CDX2: variants seen among roughly 807,000 people sequenced by gnomAD.
CDX2 encodes caudal type homeobox 2, also known as homeobox protein CDX-2.
A neutral mutation model predicts 25.5 loss-of-function variants in CDX2; 7 were observed. The observed-to-expected ratio is 0.27, with a 90% CI of 0.16 to 0.52. The LOEUF (loss-of-function observed/expected upper bound fraction) is 0.52, where lower values mean the gene tolerates loss of function less well. Ranked by LOEUF, CDX2 falls within the 20% of genes least tolerant of loss-of-function variation. The probability of loss-of-function intolerance (pLI) is 0.97; values close to 1 mark genes in which losing one functional copy is unlikely to be tolerated. For missense variants in CDX2, 375 were observed against 431.4 expected, an observed-to-expected ratio of 0.87 and a Z score of 1.16; for synonymous variants, 222 against 198.6, an observed-to-expected ratio of 1.12 and a Z score of -0.99.
Position 27,962,110 on chromosome 13 carries a change from C to G in CDX2, c.*1005G>C. 4.3e-6 allele frequency: 1 copy of G among 230,992 alleles called. No homozygotes were observed. The highest frequency in any genetic ancestry group is 2.2e-5 in the African/African-American group (1 of 45,306). 14.3% of individuals were successfully genotyped at this position (230,992 alleles called of 1,614,324 possible). ...TTAAAAAATAAAAAATAGTTGCAGA[C>G]AAAATCTGAAGATAAATACAGAATC... On this transcript the variant is annotated 3_prime_UTR_variant, in exon 3 of 3. Coordinates refer to ENST00000381020, the MANE Select transcript of CDX2 (RefSeq NM_001265.6).
In CDX2 at chr13:27,961,653, A is replaced by G. The variant is rs1593180912; in HGVS notation, c.*1462T>C. ...AATGCCCAGTGATTTACAGAAGACTAAATTCATGGAAATGCTGTCTTGGGA... is the reference window on the plus strand; with the variant it reads ...AATGCCCAGTGATTTACAGAAGACTGAATTCATGGAAATGCTGTCTTGGGA... On this transcript the variant is annotated 3_prime_UTR_variant, in exon 3 of 3. Transcript: ENST00000381020. 6.6e-6 allele frequency among the ~76,000 whole-genome samples: 1 copy of G among 151,242 alleles called. No individual in the cohort carries two copies. The highest frequency in any genetic ancestry group is 2.0e-4 in the East Asian group (1 of 5,104).
At chr13:27,967,333 C>T (rs1005488503) in intron 1 of CDX2, 4 of 520,652 alleles carry the variant, frequency 7.7e-6, no homozygotes, top group Non-Finnish European at 1.5e-5. Flanking sequence ...CACAGTGACG[C>T]AGAAACCGAT....
In CDX2 at chr13:27,961,046, G is replaced by C. The variant is rs1869019653; in HGVS notation, c.*2069C>G. Among the ~76,000 whole-genome samples the C allele has an allele frequency of 6.6e-6, 1 of 152,166 alleles. No individual in the cohort carries two copies. Among genetic ancestry groups the C allele is most frequent in the Non-Finnish European group, 1.5e-5 (1 of 68,016 alleles). On this transcript the variant is annotated 3_prime_UTR_variant, in exon 3 of 3. Coordinates refer to ENST00000381020, the MANE Select transcript of CDX2 (RefSeq NM_001265.6). ...CCTGCGGGGCACCGGGGCTCAGACC[G>C]GCCCTGACCCAGGACCCCTGACCCA...
In CDX2 at chr13:27,963,348, G is replaced by A; in HGVS notation, c.709C>T (p.Arg237Cys). Residue 237 changes from arginine to cysteine, a missense_variant, in exon 3 of 3, where the codon CGC becomes TGC. Physicochemically the swap from Arg to Cys is radical, Grantham distance 180. Around this residue, in one of 3 missense-constraint regions of CDX2, gnomAD observed 64 missense variants for 124.6 expected, o/e 0.51. Coordinates refer to ENST00000381020, the MANE Select transcript of CDX2 (RefSeq NM_001265.6). Reference sequence around the variant, plus strand: ...TTGATTTTCCTCTCCTTTGCTCTGCGGTTCTGAAACCAGATTTTAACCTAG... The same window carrying A: ...TTGATTTTCCTCTCCTTTGCTCTGCAGTTCTGAAACCAGATTTTAACCTAG... ...ERQVKIWFQN[R>C]RAKERKINKK... 1 of 1,598,786 alleles carries A rather than the reference G, an allele frequency of 6.3e-7. No homozygotes were observed. Among genetic ancestry groups the A allele is most frequent in the Non-Finnish European group, 8.5e-7 (1 of 1,171,028 alleles).
rs1869033669 is a variant in CDX2 at position 27,961,290 on chromosome 13, C to G, written c.*1825G>C. 6.6e-6 allele frequency among the ~76,000 whole-genome samples: 1 copy of G among 152,360 alleles called. No individual in the cohort carries two copies. Among genetic ancestry groups the G allele is most frequent in the South Asian group, 2.1e-4 (1 of 4,832 alleles). ...CTATACCTCTTGCTGTTTCCCGGCT[C>G]TGCTCATCTTCCCCAACTGCCCTTA... is the stretch of plus-strand genomic sequence containing the variant. On this transcript the variant is annotated 3_prime_UTR_variant, in exon 3 of 3. Transcript: ENST00000381020.
chr13:27,964,989 G>T lies in CDX2; in HGVS notation c.568C>A (p.Arg190=). The T allele has an allele frequency of 1.2e-6, 2 of 1,614,096 alleles. No homozygotes were observed. Among genetic ancestry groups the T allele is most frequent in the Non-Finnish European group, 1.7e-6 (2 of 1,180,000 alleles). The change falls in exon 2 of 3, where the codon CGA becomes AGA. Residue 190 remains arginine (R), a synonymous_variant. Coordinates refer to ENST00000381020, the MANE Select transcript of CDX2 (RefSeq NM_001265.6). This position sits in a 1 kb window ranked among gnomAD's most constrained non-coding sequence, Gnocchi z 4.7. The stretch of plus-strand genomic sequence containing the variant: ...CGCTGGTGGTCCGTGTACACCACTC[G>T]ATATTTGTCTTTCGTCCTGGTTTTC... ...QVKTRTKDKY[R]VVYTDHQRLE...
rs1738635669 is a variant in CDX2, at chr13:27,963,080, C to G, written c.*35G>C. 1 of 1,587,918 alleles carries G rather than the reference C, an allele frequency of 6.3e-7. No individual in the cohort carries two copies. Among genetic ancestry groups the G allele is most frequent in the African/African-American group, 1.3e-5 (1 of 74,522 alleles). ...AGAGTCCACGCTCCTCATGGCTCAG[C>G]CTGGAATTGCTCTGCCGCTGCAGAA... On this transcript the variant is annotated 3_prime_UTR_variant, in exon 3 of 3. Transcript: ENST00000381020.
chr13:27,968,042 G>A (rs796624114), intron 1 of CDX2, among the ~76,000 whole-genome samples: 21 of 152,278 alleles, frequency 1.4e-4, no homozygotes, highest in African/African-American at 4.8e-4. Flanking sequence ...GGAGATAAAT[G>A]GCCTAGACCT....
At position 27,961,490 on chromosome 13, in the gene CDX2, A is replaced by G. The variant is rs761149655; in HGVS notation, c.*1625T>C. ...CAGTGGATCGGCCAGATAACAAGAA[A>G]CTGTCACTAAAAGGATCATTTTATA... On this transcript the variant is annotated 3_prime_UTR_variant, in exon 3 of 3. Coordinates refer to ENST00000381020, the MANE Select transcript of CDX2 (RefSeq NM_001265.6). Among the ~76,000 whole-genome samples the G allele has an allele frequency of 3.1e-4, 47 of 151,788 alleles. No individual in the cohort carries two copies. Among genetic ancestry groups the G allele is most frequent in the South Asian group, 6.2e-4 (3 of 4,814 alleles).
At position 27,968,885 on chromosome 13, in the gene CDX2, C is replaced by T. The variant is rs1339366385; in HGVS notation, c.122G>A (p.Gly41Asp). The change falls in exon 1 of 3, where the codon GGC (glycine) becomes GAC (aspartate). Residue 41 changes from glycine (G) to aspartate (D), a missense_variant. Coordinates refer to ENST00000381020, the MANE Select transcript of CDX2 (RefSeq NM_001265.6). The part of the protein sequence containing the change: ...FVSPPQYPDY[G>D]GYHVAAAAAA... The stretch of plus-strand genomic sequence containing the variant: ...AGCTGCGGCCGCCACGTGGTAACCG[C>T]CGTAGTCCGGGTACTGCGGGGGGCT... 6 of 1,605,654 alleles carry T rather than the reference C, an allele frequency of 3.7e-6. No individual in the cohort carries two copies. In the Admixed American group the frequency reaches 5.1e-5, roughly 14 times the overall value.
At position 27,964,730 on chromosome 13, in the gene CDX2, AAGGACT is replaced by A; in HGVS notation, c.687+134_687+139del. 1 of 524,018 alleles carries A rather than the reference AAGGACT, an allele frequency of 1.9e-6. No individual in the cohort carries two copies. Among genetic ancestry groups the A allele is most frequent in the Non-Finnish European group, 3.2e-6 (1 of 310,038 alleles). 32.5% of individuals were successfully genotyped at this position (524,018 alleles called of 1,614,324 possible). On this transcript the variant is annotated intron_variant, in intron 2 of 2. Transcript: ENST00000381020. This position sits in a 1 kb window ranked among gnomAD's most constrained non-coding sequence, Gnocchi z 4.7. ...GTTTAAAAAAAAAAAAAAAAAAAAA[AAGGACT>A]CCAAAGACGAATGCTTGCATCCTCC...
At chr13:27,966,083 A>G (rs1016004286) in intron 1 of CDX2, among the ~76,000 whole-genome samples, 5 of 152,248 alleles carry the variant, frequency 3.3e-5, no homozygotes, top group African/African-American at 1.2e-4. Context: ...GCCTGATCAG[A>G]GGGAGCTCCC....
chr13:27,965,183 G>T (rs571463392), intron 1 of CDX2, among the ~76,000 whole-genome samples, 168 bp from the exon 2 acceptor site: 25 of 137,578 alleles, frequency 1.8e-4, no homozygotes, highest in African/African-American at 8.6e-4. Flanking sequence ...AGGGTCCTGT[G>T]GGGGGAGGGT....
chr13:27,965,897 C>G (rs760746835), intron 1 of CDX2, among the ~76,000 whole-genome samples: 1 of 152,230 alleles, frequency 6.6e-6, no homozygotes, highest in Non-Finnish European at 1.5e-5. Context: ...CTCTCTGGCT[C>G]CGTCCCACTT....
chr13:27,967,239 C>T (rs1438746642), intron 1 of CDX2: 2 of 498,392 alleles, frequency 4.0e-6, no homozygotes, highest in Admixed American at 4.6e-5. Context: ...GGGACCAAGC[C>T]AAAGCTCTGA....
In CDX2 at chr13:27,963,044, A is replaced by C. The variant is rs1869133879; in HGVS notation, c.*71T>G. The C allele has an allele frequency of 7.2e-6, 11 of 1,523,626 alleles. No homozygotes were observed. The highest frequency in any genetic ancestry group is 9.7e-6 in the Non-Finnish European group (11 of 1,134,884). 94.4% of individuals were successfully genotyped at this position (1,523,626 alleles called of 1,614,324 possible). On this transcript the variant is annotated 3_prime_UTR_variant, in exon 3 of 3. Transcript: ENST00000381020. ...GGTGGGAGGGGAGGGGTCTCTCCTGAGGAGTCTAGCAGAGTCCACGCTCCT... is the reference window on the plus strand; with the variant it reads ...GGTGGGAGGGGAGGGGTCTCTCCTGCGGAGTCTAGCAGAGTCCACGCTCCT...
chr13:27,969,142 G>A lies in CDX2; in HGVS notation c.-136C>T. On this transcript the variant is annotated 5_prime_UTR_variant, in exon 1 of 3. Transcript: ENST00000381020. ...GCTGCGCCCCAGCCCGCGGTGCTCC[G>A]CTGGCTCCTCGCGGCTCTTCTGCCT... 2 of 612,400 alleles carry A rather than the reference G, an allele frequency of 3.3e-6. No individual in the cohort carries two copies. Among genetic ancestry groups the A allele is most frequent in the African/African-American group, 2.0e-5 (1 of 50,978 alleles). The allele number at this position is 612,400 out of a possible 1,614,324, so 37.9% of individuals were successfully genotyped here.
intron 1 of CDX2, among the ~76,000 whole-genome samples, chr13:27,966,576 G>A (rs1393743520): frequency 6.6e-6 from 1 of 152,198 alleles, no homozygotes; most frequent in Non-Finnish European, 1.5e-5. Flanking sequence ...GACTCGCCTG[G>A]AAGTGTCTCG....
intron 1 of CDX2, 99 bp downstream of exon 1, chr13:27,968,367 G>A (rs1593185430): frequency 2.3e-6 from 3 of 1,323,178 alleles, no homozygotes; most frequent in Non-Finnish European, 2.9e-6. Context: ...CAGACAGCCC[G>A]GGACGCCCCT....
Sources: gnomAD v4.1 joint callset for allele counts (sites outside exome capture counted in the v4.1 genomes callset) on GRCh38, gnomAD v4.1.1 for gene constraint, gnomAD v4.1.1 regional missense constraint, Gnocchi (gnomAD v3.1) non-coding constraint, MANE v1.5 for transcripts, NCBI Gene and HGNC (gene_info 2026-07-23, HGNC 2026-07-21) for gene names.